Variants in MID1 observed in about 807,000 individuals in gnomAD.
MID1 encodes the protein midline 1.
In MID1, 7 loss-of-function variants were observed where a neutral mutation model predicts 40.4. The observed-to-expected ratio is 0.17, with a 90% CI of 0.10 to 0.33. The LOEUF (loss-of-function observed/expected upper bound fraction) is 0.33. Among genes scored for constraint, MID1 ranks in the 10% least tolerant of loss-of-function variants. MID1 has a pLI of 1.00. For synonymous variants in MID1, 229 were observed against 221.2 expected (o/e 1.04, Z -0.31); for missense variants, 367 against 558.5 (o/e 0.66, Z 3.46).
chrX:10,784,008 A>G (rs1010339883), intron 1 of MID1, among the ~76,000 whole-genome samples: 2 of 111,876 alleles, frequency 1.8e-5, no homozygotes, highest in African/African-American at 6.5e-5. Flanking sequence ...TGCTACAAAT[A>G]AAAAATATTT....
intron 1 of MID1, among the ~76,000 whole-genome samples, chrX:10,803,222 G>T (rs2044021228): frequency 1.8e-5 from 2 of 110,712 alleles, no homozygotes; most frequent in South Asian, 7.7e-4. Context: ...CAACCATAGA[G>T]ATATTTTAGA....
chrX:10,628,666 C>T (rs1444956319), intron 1 of MID1, among the ~76,000 whole-genome samples: 2 of 111,064 alleles, frequency 1.8e-5, no homozygotes, highest in Non-Finnish European at 3.8e-5. Flanking sequence ...TAATTTAGCC[C>T]AATTAAGGGA....
intron 2 of MID1, among the ~76,000 whole-genome samples, chrX:10,549,734 T>C (rs987542950): frequency 4.4e-5 from 5 of 113,220 alleles, no homozygotes; most frequent in Non-Finnish European, 9.4e-5. Flanking sequence ...ATGCCTGAGC[T>C]GCACCCCAGA....
intron 3 of MID1, among the ~76,000 whole-genome samples, chrX:10,519,987 A>G (rs759888081): frequency 4.6e-4 from 52 of 112,409 alleles, no homozygotes; most frequent in African/African-American, 1.5e-3. Context: ...TTACACTGAT[A>G]GGATCTTTCT....
At chrX:10,636,785 GATATATATATATATAT>G (rs60188235) in intron 1 of MID1, among the ~76,000 whole-genome samples, 39 of 42,708 alleles carry the variant, frequency 9.1e-4, no homozygotes, top group South Asian at 1.4e-3. Context: ...CAACAATGGG[GATATATATATATATAT>G]ATATATATAT....
chrX:10,515,321 A>G (rs777993922), intron 3 of MID1, among the ~76,000 whole-genome samples: 1 of 112,185 alleles, frequency 8.9e-6, no homozygotes, highest in East Asian at 2.8e-4. Flanking sequence ...ACAATTTCTT[A>G]CAAGGTACAT....
At chrX:10,628,083 T>G (rs1936013621) in intron 1 of MID1, among the ~76,000 whole-genome samples, 2 of 110,925 alleles carry the variant, frequency 1.8e-5, no homozygotes, top group South Asian at 3.8e-4. Context: ...TGGTGTGTGT[T>G]TTTTTTTAAC....
chrX:10,484,497 C>G (rs911060032), intron 4 of MID1, among the ~76,000 whole-genome samples: 1 of 111,773 alleles, frequency 8.9e-6, no homozygotes, highest in Non-Finnish European at 1.9e-5. Flanking sequence ...AATAAAAGAG[C>G]CCTAAATCAT....
At chrX:10,674,978 A>G (rs2043012713) in intron 1 of MID1, among the ~76,000 whole-genome samples, 2 of 112,743 alleles carry the variant, frequency 1.8e-5, no homozygotes, top group South Asian at 7.3e-4. Context: ...GTATTTAAAT[A>G]GTTTATAACC....
At chrX:10,469,281 C>T in intron 7 of MID1, 1 of 840,424 alleles carries the variant, frequency 1.2e-6, no homozygotes, top group Non-Finnish European at 1.5e-6. Flanking sequence ...TGGGGTTTCA[C>T]CAGGTTGCCC....
At chrX:10,752,466 A>T (rs1246231718) in intron 1 of MID1, among the ~76,000 whole-genome samples, 2 of 112,077 alleles carry the variant, frequency 1.8e-5, no homozygotes, top group African/African-American at 6.5e-5. Flanking sequence ...TGGGATAATC[A>T]TAATACCTGT....
At chrX:10,614,865 C>T (rs948495116) in intron 1 of MID1, among the ~76,000 whole-genome samples, 3 of 112,383 alleles carry the variant, frequency 2.7e-5, no homozygotes, top group Non-Finnish European at 5.6e-5. Context: ...CCTCAAAACA[C>T]AGAACTTGAT....
intron 1 of MID1, among the ~76,000 whole-genome samples, chrX:10,765,942 G>GGAAAGACA: frequency 1.5e-5 from 1 of 65,414 alleles, no homozygotes; most frequent in East Asian, 4.9e-4. Flanking sequence ...GGAAAGGAAA[G>GGAAAGACA]GAAAGAAAGA....
intron 1 of MID1, among the ~76,000 whole-genome samples, chrX:10,659,989 A>G (rs1157986781): frequency 8.9e-6 from 1 of 112,074 alleles, no homozygotes; most frequent in Admixed American, 9.5e-5. Flanking sequence ...ATTTTACATG[A>G]TTTTCTGGAT....
intron 4 of MID1, among the ~76,000 whole-genome samples, chrX:10,493,291 G>A (rs1222849721): frequency 9.0e-6 from 1 of 111,669 alleles, no homozygotes; most frequent in African/African-American, 3.3e-5. Flanking sequence ...GAGACCATGA[G>A]CCAAAGAATG....
intron 3 of MID1, among the ~76,000 whole-genome samples, chrX:10,511,245 CAAA>C (rs769971922): frequency 1.9e-5 from 1 of 52,792 alleles, no homozygotes; most frequent in South Asian, 8.1e-4. Context: ...GACTCCATCT[CAAA>C]AAAAAAAAAA....
rs982203258 is a variant in MID1 at position 10,567,617 on chromosome X, T to C, written c.-56-14A>G. 6.0e-6 allele frequency: 7 copies of C among 1,159,398 alleles called. No individual in the cohort carries two copies. The highest frequency in any genetic ancestry group is 7.1e-6 in the Non-Finnish European group (6 of 849,821). ...CTGATCAGCTATCTGGAAACAAGAA[T>C]GTAAGATTTGATTAGGCACAGGGAG... On this transcript the variant is annotated splice_polypyrimidine_tract_variant and intron_variant, in intron 1 of 9. Coordinates refer to ENST00000317552, the MANE Select transcript of MID1 (RefSeq NM_000381.4).
At chrX:10,508,810 A>G (rs1193865558) in intron 3 of MID1, among the ~76,000 whole-genome samples, 1 of 112,040 alleles carries the variant, frequency 8.9e-6, no homozygotes, top group East Asian at 2.8e-4. Flanking sequence ...GAAGCCAGTT[A>G]TATCTTACTG....
intron 1 of MID1, among the ~76,000 whole-genome samples, chrX:10,720,142 G>C (rs777671193): frequency 8.9e-6 from 1 of 111,822 alleles, no homozygotes; most frequent in Non-Finnish European, 1.9e-5. Context: ...GCATGGGCAA[G>C]GACTTCATGT....
Sources: gnomAD v4.1 joint callset for allele counts (sites outside exome capture counted in the v4.1 genomes callset) on GRCh38, gnomAD v4.1.1 for gene constraint, MANE v1.5 for transcripts, NCBI Gene and HGNC (gene_info 2026-07-23, HGNC 2026-07-21) for gene names.